PARN: variants seen among roughly 807,000 people sequenced by gnomAD.
The protein encoded by PARN is poly(A)-specific ribonuclease PARN.
PARN carries 71 observed loss-of-function variants against 102.8 expected under a neutral mutation model. The ratio of observed to expected loss-of-function variants is 0.69; its 90% CI spans 0.57 to 0.84. The LOEUF is 0.84. Ranked by LOEUF, PARN falls within the 40% of genes least tolerant of loss-of-function variation. PARN has a pLI of 0.00. For synonymous variants in PARN, 261 were observed against 252.9 expected (o/e 1.03, Z -0.30); for missense variants, 782 against 760.9 (o/e 1.03, Z -0.33).
intron 5 of PARN, among the ~76,000 whole-genome samples, chr16:14,619,360 G>C (rs1022890762): frequency 6.6e-6 from 1 of 152,156 alleles, no homozygotes; most frequent in African/African-American, 2.4e-5. Context: ...AGCACTTCCG[G>C]AGGCTGAGGT....
At chr16:14,560,059 AG>A (rs921159265) in intron 18 of PARN, among the ~76,000 whole-genome samples, 10 of 152,244 alleles carry the variant, frequency 6.6e-5, no homozygotes, top group African/African-American at 2.4e-4. Context: ...ATTTCAATAT[AG>A]GCATGCCTCA....
intron 21 of PARN, among the ~76,000 whole-genome samples, chr16:14,501,170 A>C (rs1241353182): frequency 6.6e-6 from 1 of 151,678 alleles, no homozygotes; most frequent in Non-Finnish European, 1.5e-5. Flanking sequence ...GGTTGGGTGC[A>C]GTGGCTCACG....
intron 11 of PARN, among the ~76,000 whole-genome samples, chr16:14,602,774 C>T (rs1165935735): frequency 6.6e-6 from 1 of 152,160 alleles, no homozygotes; most frequent in Non-Finnish European, 1.5e-5. Flanking sequence ...AACAGTTCCT[C>T]ATTGCCTCCT....
At chr16:14,608,242 GT>G in intron 9 of PARN, 38 bp downstream of exon 9, 1 of 1,409,920 alleles carries the variant, frequency 7.1e-7, no homozygotes. Context: ...TAAATCCTGG[GT>G]CCCCCACAGA....
At chr16:14,625,475 CAAG>C (rs1461614024) in intron 5 of PARN, among the ~76,000 whole-genome samples, 2 of 151,874 alleles carry the variant, frequency 1.3e-5, no homozygotes, top group Non-Finnish European at 2.9e-5. Context: ...CTAGCCTGGA[CAAG>C]AAGAGCGAAA....
chr16:14,548,228 A>G (rs1279920182), intron 21 of PARN, among the ~76,000 whole-genome samples: 1 of 151,854 alleles, frequency 6.6e-6, no homozygotes, highest in Non-Finnish European at 1.5e-5. Context: ...AGCCTGGGTG[A>G]CAGAGCAAGA....
intron 21 of PARN, among the ~76,000 whole-genome samples, chr16:14,519,600 G>C (rs1361637253): frequency 2.0e-5 from 3 of 152,160 alleles, no homozygotes; most frequent in African/African-American, 7.2e-5. Context: ...CCAACCTCAA[G>C]AGGTTCTGAT....
chr16:14,570,801 G>T (rs1455096931), intron 18 of PARN, among the ~76,000 whole-genome samples: 1 of 145,826 alleles, frequency 6.9e-6, no homozygotes, highest in Non-Finnish European at 1.5e-5. Flanking sequence ...AACGTAATGA[G>T]GCCCCCACCT....
chr16:14,449,962 G>A (rs1246125930), intron 22 of PARN, among the ~76,000 whole-genome samples: 1 of 152,138 alleles, frequency 6.6e-6, no homozygotes, highest in Admixed American at 6.5e-5. Context: ...ACACTTCCAG[G>A]AATTTAGAAG....
At chr16:14,463,596 C>T (rs1413264683) in intron 22 of PARN, among the ~76,000 whole-genome samples, 1 of 151,946 alleles carries the variant, frequency 6.6e-6, no homozygotes, top group African/African-American at 2.4e-5. Context: ...ACAAACCAAA[C>T]AGAACTTCTA....
intron 18 of PARN, among the ~76,000 whole-genome samples, chr16:14,574,507 G>A (rs955655365): frequency 6.6e-6 from 1 of 152,146 alleles, no homozygotes; most frequent in African/African-American, 2.4e-5. Flanking sequence ...GAGGTCAGGA[G>A]TTCGAGACAA....
intron 8 of PARN, among the ~76,000 whole-genome samples, chr16:14,608,522 T>C (rs1971330467): frequency 6.6e-6 from 1 of 152,242 alleles, no homozygotes; most frequent in South Asian, 2.1e-4. Context: ...AATATTATGC[T>C]GCTTTTACTG....
chr16:14,617,732 A>T (rs1972017588), intron 5 of PARN, 82 bp from the exon 6 acceptor site: 2 of 829,572 alleles, frequency 2.4e-6, no homozygotes, highest in Admixed American at 1.9e-5. Flanking sequence ...AACTCAAACA[A>T]GAAAACAAAG....
intron 23 of PARN, among the ~76,000 whole-genome samples, chr16:14,444,666 CT>C (rs1209615405): frequency 1.3e-5 from 2 of 152,238 alleles, no homozygotes; most frequent in Non-Finnish European, 2.9e-5. Context: ...GGAAACCCCC[CT>C]GCCCCTCTAA....
At chr16:14,517,686 T>C (rs1965525045) in intron 21 of PARN, among the ~76,000 whole-genome samples, 1 of 152,204 alleles carries the variant, frequency 6.6e-6, no homozygotes, top group Non-Finnish European at 1.5e-5. Context: ...AGGTTATTTT[T>C]TCTTTTTTTG....
Position 14,610,818 on chromosome 16 carries a change from G to T in PARN, c.389-9C>A. The T allele has an allele frequency of 1.3e-6, 2 of 1,588,350 alleles. No homozygotes were observed. Among genetic ancestry groups the T allele is most frequent in the Non-Finnish European group, 1.7e-6 (2 of 1,158,500 alleles). The stretch of plus-strand genomic sequence containing the variant: ...ATTTAAATATGGAATTCCTAAACAC[G>T]ATTTTAAAAAGAATGCATTAGCAGA... On this transcript the variant is annotated splice_polypyrimidine_tract_variant and intron_variant, in intron 6 of 23. Coordinates refer to ENST00000437198, the MANE Select transcript of PARN (RefSeq NM_002582.4).
intron 21 of PARN, among the ~76,000 whole-genome samples, chr16:14,492,994 A>C (rs1964135503): frequency 6.6e-6 from 1 of 152,238 alleles, no homozygotes; most frequent in Non-Finnish European, 1.5e-5. Flanking sequence ...TACTGCTGTT[A>C]AATCACAAAT....
intron 5 of PARN, among the ~76,000 whole-genome samples, chr16:14,619,073 GC>G (rs1360463294): frequency 6.6e-6 from 1 of 151,834 alleles, no homozygotes; most frequent in Non-Finnish European, 1.5e-5. Flanking sequence ...GCACATGCCT[GC>G]AGTCCCAGCT....
At chr16:14,596,996 AG>A (rs1970558444) in intron 12 of PARN, among the ~76,000 whole-genome samples, 1 of 152,068 alleles carries the variant, frequency 6.6e-6, no homozygotes, top group African/African-American at 2.4e-5. Flanking sequence ...CATGTTGGTT[AG>A]GCTGGTGTCG....
Sources: allele counts gnomAD v4.1 joint callset (sites outside exome capture counted in the v4.1 genomes callset), GRCh38; gene constraint gnomAD v4.1.1; transcripts MANE v1.5; gene names NCBI Gene and HGNC (gene_info 2026-07-23, HGNC 2026-07-21).